CYP2B6: variants seen among roughly 807,000 people sequenced by gnomAD.
CYP2B6 encodes cytochrome P450 family 2 subfamily B member 6.
In CYP2B6, 35 loss-of-function variants were observed where a neutral mutation model predicts 43.4. The ratio of observed to expected loss-of-function variants is 0.81; its 90% CI spans 0.62 to 1.07. CYP2B6 has a LOEUF of 1.07. CYP2B6 is among the 50% of genes least tolerant of loss of function. The pLI, the probability that CYP2B6 is intolerant of heterozygous loss-of-function variation, is 0.00. For missense variants in CYP2B6, 624 were observed against 632.8 expected, an observed-to-expected ratio of 0.99 and a Z score of 0.15; for synonymous variants, 239 against 239.2, an observed-to-expected ratio of 1.00 and a Z score of 0.01.
At chr19:40,997,883 T>G (rs1487843764) in intron 1 of CYP2B6, among the ~76,000 whole-genome samples, 1 of 152,050 alleles carries the variant, frequency 6.6e-6, no homozygotes, top group Non-Finnish European at 1.5e-5. Context: ...GAGGATCGCT[T>G]GAAGCCAGGA....
chr19:40,997,794 G>C (rs1222110338), intron 1 of CYP2B6, among the ~76,000 whole-genome samples: 3 of 151,938 alleles, frequency 2.0e-5, no homozygotes. Flanking sequence ...TGTTTGGGTG[G>C]CTCACGACAC....
intron 8 of CYP2B6, among the ~76,000 whole-genome samples, chr19:41,016,435 G>GAGAGAC (rs1969367240): frequency 1.1e-5 from 1 of 95,212 alleles, no homozygotes; most frequent in South Asian, 3.3e-4. Context: ...AAAAAAAAAA[G>GAGAGAC]AGAGAGAGAG....
chr19:40,994,491 C>G (rs766247022), intron 1 of CYP2B6, among the ~76,000 whole-genome samples: 1 of 152,070 alleles, frequency 6.6e-6, no homozygotes, highest in Non-Finnish European at 1.5e-5. Flanking sequence ...TGGAAAGAGA[C>G]TTTACTGTAT....
chr19:41,005,738 A>G (rs1008455408), intron 3 of CYP2B6, among the ~76,000 whole-genome samples: 1 of 151,974 alleles, frequency 6.6e-6, no homozygotes, highest in Non-Finnish European at 1.5e-5. Context: ...CTAAGATCAC[A>G]CTACTGCACT....
chr19:41,010,984 A>G (rs1969274965), intron 6 of CYP2B6, among the ~76,000 whole-genome samples: 1 of 152,206 alleles, frequency 6.6e-6, no homozygotes, highest in Admixed American at 6.5e-5. Flanking sequence ...AAGAATGTAT[A>G]ATTACTGATT....
At chr19:41,016,429 A>AG (rs1278513595) in intron 8 of CYP2B6, among the ~76,000 whole-genome samples, 8 of 93,406 alleles carry the variant, frequency 8.6e-5, no homozygotes, top group East Asian at 3.9e-4. Flanking sequence ...AAAAAAAAAA[A>AG]AAAAAGAGAG....
At chr19:40,992,031 G>A (rs1331698527) in intron 1 of CYP2B6, among the ~76,000 whole-genome samples, 3 of 151,886 alleles carry the variant, frequency 2.0e-5, no homozygotes, top group Non-Finnish European at 4.4e-5. Context: ...GTGAAACCTT[G>A]TCTCTACTAA....
At chr19:40,994,908 A>G (rs1480195938) in intron 1 of CYP2B6, among the ~76,000 whole-genome samples, 2 of 152,122 alleles carry the variant, frequency 1.3e-5, no homozygotes, top group Non-Finnish European at 2.9e-5. Flanking sequence ...ATCAAGATAT[A>G]GCTTTCCACT....
At chr19:41,010,285 A>T (rs1249376151) in intron 6 of CYP2B6, 150 bp downstream of exon 6, 8 of 872,458 alleles carry the variant, frequency 9.2e-6, no homozygotes. Context: ...AACCAAGCCA[A>T]TTCTGTTGGT....
At chr19:40,992,201 C>CAAAAAAAAAAAAAAAAAAAA (rs561830421) in intron 1 of CYP2B6, among the ~76,000 whole-genome samples, 25 of 62,570 alleles carry the variant, frequency 4.0e-4, no homozygotes, top group African/African-American at 8.7e-4. Flanking sequence ...GACTCCTTCT[C>CAAAAAAAAAAAAAAAAAAAA]AAAAAAAAAA....
intron 1 of CYP2B6, among the ~76,000 whole-genome samples, chr19:40,999,568 G>T (rs368627902): frequency 1.3e-5 from 2 of 152,120 alleles, no homozygotes; most frequent in Non-Finnish European, 2.9e-5. Context: ...TAACGTTTAA[G>T]TCTTTAATCC....
chr19:41,002,490 A>G (rs139894261), intron 1 of CYP2B6, among the ~76,000 whole-genome samples: 204 of 152,142 alleles, frequency 1.3e-3, no homozygotes, highest in African/African-American at 4.7e-3. Context: ...TCTATTCACT[A>G]TCCACCTACC....
chr19:41,012,204 C>T (rs996965483), intron 6 of CYP2B6, 94 bp from the exon 7 acceptor site: 26 of 1,218,260 alleles, frequency 2.1e-5, no homozygotes, highest in African/African-American at 3.0e-5. Flanking sequence ...CCCACCTCAA[C>T]CTCCAAAATT....
intron 1 of CYP2B6, among the ~76,000 whole-genome samples, chr19:40,998,130 G>A (rs1373925503): frequency 6.6e-6 from 1 of 152,006 alleles, no homozygotes; most frequent in African/African-American, 2.4e-5. Flanking sequence ...AATGTGAGGA[G>A]TGATAACATT....
rs561830421 is a variant in CYP2B6 at position 40,992,201 on chromosome 19, C to CAAAAAAAAAAAAAAAAA, written c.171+729_171+745dup. Among the ~76,000 whole-genome samples, 268 of 62,554 alleles carry CAAAAAAAAAAAAAAAAA rather than the reference C, an allele frequency of 4.3e-3. 2 individuals carry two copies. Among genetic ancestry groups the CAAAAAAAAAAAAAAAAA allele is most frequent in the Non-Finnish European group, 6.5e-3 (189 of 29,142 alleles). The allele number at this position is 62,554 out of a possible 152,430, so 41.0% of individuals were successfully genotyped here. Reference sequence around the variant, plus strand: ...TGGGTGACAGAGTGAGACTCCTTCTCAAAAAAAAAAAAAAAAAAAAGAATA... The same window carrying CAAAAAAAAAAAAAAAAA: ...TGGGTGACAGAGTGAGACTCCTTCTCAAAAAAAAAAAAAAAAAAAAAAAAAAAAAAAAAAAAAGAATA... On this transcript the variant is annotated intron_variant, in intron 1 of 8. Coordinates refer to ENST00000324071, the MANE Select transcript of CYP2B6 (RefSeq NM_000767.5).
intron 1 of CYP2B6, among the ~76,000 whole-genome samples, chr19:40,992,072 C>T (rs974998912): frequency 3.3e-5 from 5 of 151,626 alleles, no homozygotes; most frequent in African/African-American, 7.3e-5. Context: ...CATAGTGATG[C>T]GTGCCTGTAA....
At chr19:40,998,114 A>G (rs573596263) in intron 1 of CYP2B6, among the ~76,000 whole-genome samples, 31 of 152,062 alleles carry the variant, frequency 2.0e-4, no homozygotes, top group Non-Finnish European at 3.7e-4. Flanking sequence ...AAAAAAAATC[A>G]TCTGCAATGT....
rs371144901 is a variant in CYP2B6 at position 41,007,077 on chromosome 19, G to A, written c.645+12G>A. ...CTGTATTCGGCCAGGTCAGGGAGAC[G>A]GAGAGGGACAGGGGGTGTGGGGGTG... On this transcript the variant is annotated intron_variant, in intron 4 of 8. Transcript: ENST00000324071. 1.5e-4 allele frequency: 244 copies of A among 1,613,596 alleles called. 1 individual carries two copies. The highest frequency in any genetic ancestry group is 1.1e-3 in the South Asian group (97 of 91,062).
rs1968919700 is a variant in CYP2B6, at chr19:40,991,485, C to T, written c.171+9C>T. ...TCAAATCCTTTCTGAGGGTAAGACA[C>T]AGACGAATGGGGTCTGAGGGTGAGC... On this transcript the variant is annotated intron_variant, in intron 1 of 8. Transcript: ENST00000324071. 1.2e-6 allele frequency: 2 copies of T among 1,613,204 alleles called. No homozygotes were observed. The highest frequency in any genetic ancestry group is 1.7e-6 in the Non-Finnish European group (2 of 1,179,962).
Sources: allele counts gnomAD v4.1 joint callset (sites outside exome capture counted in the v4.1 genomes callset), GRCh38; gene constraint gnomAD v4.1.1; transcripts MANE v1.5; gene names NCBI Gene and HGNC (gene_info 2026-07-23, HGNC 2026-07-21).